GRM7: variants seen among roughly 807,000 people sequenced by gnomAD.
GRM7 encodes the protein glutamate metabotropic receptor 7.
Under a neutral mutation model 84.5 loss-of-function variants are expected in GRM7, and 35 were observed. That is an observed-to-expected ratio of 0.41 (90% CI 0.32 to 0.55). The LOEUF (loss-of-function observed/expected upper bound fraction) is 0.55, where lower values mean the gene tolerates loss of function less well. Ranked by LOEUF, GRM7 falls within the 20% of genes least tolerant of loss-of-function variation. The probability of loss-of-function intolerance (pLI) is 0.19; values close to 1 mark genes in which losing one functional copy is unlikely to be tolerated. For synonymous variants in GRM7, 487 were observed against 455.1 expected (o/e 1.07, Z -0.89); for missense variants, 1,003 against 1,194.6 (o/e 0.84, Z 2.36).
chr3:7,346,869 G>T (rs990437327), intron 4 of GRM7, among the ~76,000 whole-genome samples: 1 of 152,056 alleles, frequency 6.6e-6, no homozygotes, highest in African/African-American at 2.4e-5. Context: ...AATACCATAA[G>T]TCTTACCACA....
At chr3:7,139,049 A>C (rs887945195) in intron 1 of GRM7, among the ~76,000 whole-genome samples, 1 of 147,654 alleles carries the variant, frequency 6.8e-6, no homozygotes, top group South Asian at 2.1e-4. Flanking sequence ...ATCCTACTTT[A>C]TAATATATAG....
At chr3:7,053,702 C>T (rs1170852372) in intron 1 of GRM7, among the ~76,000 whole-genome samples, 5 of 151,370 alleles carry the variant, frequency 3.3e-5, no homozygotes. Context: ...TTTCTACCAT[C>T]TGTCTTGTTC....
chr3:7,712,950 C>T (rs187774892), intron 9 of GRM7, among the ~76,000 whole-genome samples: 1 of 151,886 alleles, frequency 6.6e-6, no homozygotes, highest in Admixed American at 6.6e-5. Context: ...TGGCCTTCCC[C>T]CTCTGTGTCT....
At chr3:7,075,910 C>A (rs1028761178) in intron 1 of GRM7, among the ~76,000 whole-genome samples, 4 of 151,286 alleles carry the variant, frequency 2.6e-5, no homozygotes, top group African/African-American at 9.8e-5. Context: ...ATTCAGCAAT[C>A]CTCTGTGCCA....
In GRM7 at chr3:7,525,126, T is replaced by G. The variant is rs1406795778; in HGVS notation, c.1516-53296T>G. ...TCTGGGGACTGTTGAGGGGTGGGGG[T>G]AGGGGGGAGGGATAGCATTAGGAGA... On this transcript the variant is annotated intron_variant, in intron 7 of 9. Transcript: ENST00000357716. 2.0e-4 allele frequency among the ~76,000 whole-genome samples: 29 copies of G among 143,848 alleles called. No individual in the cohort carries two copies. The South Asian group carries it at 2.5e-3, about 12-fold the overall frequency. 94.4% of individuals were successfully genotyped at this position (143,848 alleles called of 152,430 possible). A position where few individuals can be genotyped will look rare whatever the true frequency, so the allele number is the denominator to read the frequency against.
chr3:7,461,451 G>A (rs1007880874), intron 6 of GRM7, 132 bp from the exon 7 acceptor site: 5 of 641,282 alleles, frequency 7.8e-6, no homozygotes, highest in Non-Finnish European at 1.3e-5. Context: ...GCCGTTTTGG[G>A]GGGACCTATT....
At chr3:7,014,865 T>C (rs1156552822) in intron 1 of GRM7, among the ~76,000 whole-genome samples, 1 of 152,136 alleles carries the variant, frequency 6.6e-6, no homozygotes, top group Non-Finnish European at 1.5e-5. Flanking sequence ...TTTTCTGTCT[T>C]ACAAGAGGAT....
chr3:7,236,515 C>T (rs1444207685), intron 2 of GRM7, among the ~76,000 whole-genome samples: 1 of 152,182 alleles, frequency 6.6e-6, no homozygotes, highest in Non-Finnish European at 1.5e-5. Context: ...TGAATGTGGG[C>T]TGGCCTTGGG....
chr3:7,528,069 T>C (rs1191185963), intron 7 of GRM7, among the ~76,000 whole-genome samples: 3 of 152,080 alleles, frequency 2.0e-5, no homozygotes, highest in Non-Finnish European at 4.4e-5. Context: ...TCCTCCTTAA[T>C]TTTGTGGTAT....
At chr3:7,013,834 A>T (rs55723794) in intron 1 of GRM7, among the ~76,000 whole-genome samples, 3,660 of 152,068 alleles carry the variant, frequency 0.024, 140 homozygotes, top group African/African-American at 0.081. Context: ...TTTTATTTTT[A>T]ATCTATTAAT....
At chr3:7,588,099 A>G (rs1575527821) in intron 8 of GRM7, among the ~76,000 whole-genome samples, 1 of 152,210 alleles carries the variant, frequency 6.6e-6, no homozygotes, top group East Asian at 1.9e-4. Context: ...ATTATGGGTA[A>G]TCATAAGAAT....
intron 1 of GRM7, among the ~76,000 whole-genome samples, chr3:7,102,710 C>T (rs961716359): frequency 2.1e-4 from 32 of 151,716 alleles, no homozygotes; most frequent in African/African-American, 7.3e-4. Context: ...GATTGTCCCA[C>T]GGGTCACTAA....
intron 9 of GRM7, 41 bp from the exon 10 acceptor site, chr3:7,740,316 G>A: frequency 7.6e-7 from 1 of 1,312,746 alleles, no homozygotes; most frequent in Non-Finnish European, 1.1e-6. Context: ...TTTGCAAACA[G>A]GGTTATTACT....
At position 6,877,815 on chromosome 3, in the gene GRM7, A is replaced by G. The variant is rs112870277; in HGVS notation, c.519+15908A>G. Among the ~76,000 whole-genome samples, 323 of 52,216 alleles carry G rather than the reference A, an allele frequency of 6.2e-3. 2 individuals are homozygous for G. Among genetic ancestry groups the G allele is most frequent in the African/African-American group, 0.028 (304 of 11,026 alleles). 34.3% of individuals were successfully genotyped at this position (52,216 alleles called of 152,430 possible). A position where few individuals can be genotyped will look rare whatever the true frequency, so the allele number is the denominator to read the frequency against. On this transcript the variant is annotated intron_variant, in intron 1 of 9. Transcript: ENST00000357716. ...ACATATACCTACACAGATATCACAC[A>G]CACACACACACACACACACACACAC...
chr3:7,593,321 T>G (rs1479807206), intron 8 of GRM7, among the ~76,000 whole-genome samples: 1 of 152,160 alleles, frequency 6.6e-6, no homozygotes, highest in Non-Finnish European at 1.5e-5. Flanking sequence ...TTTCAAACAT[T>G]TATTGATTCA....
At chr3:6,881,162 A>ACC (rs1695493345) in intron 1 of GRM7, among the ~76,000 whole-genome samples, 1 of 152,164 alleles carries the variant, frequency 6.6e-6, no homozygotes, top group East Asian at 1.9e-4. Context: ...GTTCTGGGGT[A>ACC]CATGTGCAGG....
chr3:7,447,206 T>C (rs1233867340), intron 5 of GRM7, among the ~76,000 whole-genome samples: 4 of 152,064 alleles, frequency 2.6e-5, no homozygotes, highest in African/African-American at 9.7e-5. Flanking sequence ...CTCCTCCAAA[T>C]AAAGAATATA....
intron 7 of GRM7, among the ~76,000 whole-genome samples, chr3:7,569,986 AAG>A (rs1286332340): frequency 1.3e-5 from 2 of 152,182 alleles, no homozygotes; most frequent in African/African-American, 4.8e-5. Context: ...GTGGCAGGCA[AAG>A]AGAGAGCTTG....
intron 7 of GRM7, among the ~76,000 whole-genome samples, chr3:7,539,225 C>T (rs1399821205): frequency 6.6e-6 from 1 of 152,162 alleles, no homozygotes; most frequent in Non-Finnish European, 1.5e-5. Context: ...AAACCCTCAT[C>T]CTAGCATTTA....
Sources: gnomAD v4.1 joint callset for allele counts (sites outside exome capture counted in the v4.1 genomes callset) on GRCh38, gnomAD v4.1.1 for gene constraint, MANE v1.5 for transcripts, NCBI Gene and HGNC (gene_info 2026-07-23, HGNC 2026-07-21) for gene names.